Variants in PCDH11Y observed in about 807,000 individuals in gnomAD.
PCDH11Y encodes the protein protocadherin 11 Y-linked.
For missense variants in PCDH11Y, 12 were observed against 224.8 expected (o/e 0.05, Z 6.05); for synonymous variants, 9 against 83.6 (o/e 0.11, Z 4.87).
At chrY:5,198,856 T>G (rs1602885139) in intron 2 of PCDH11Y, among the ~76,000 whole-genome samples, 10 of 31,763 alleles carry the variant, frequency 3.1e-4, no homozygotes, top group African/African-American at 7.4e-4. Context: ...GTATAGAGAC[T>G]GTTAGAAATT....
chrY:5,355,027 A>G (rs2053164028), intron 2 of PCDH11Y, among the ~76,000 whole-genome samples: 21 of 32,566 alleles, frequency 6.4e-4, no homozygotes, highest in African/African-American at 2.5e-3. Flanking sequence ...TTGGGAGGCC[A>G]AGGTGGGCAG....
chrY:5,067,831 T>G (rs376025298), intron 1 of PCDH11Y, among the ~76,000 whole-genome samples: 1,156 of 30,021 alleles, frequency 0.039, no homozygotes, highest in Middle Eastern at 0.31. Flanking sequence ...GCTAACCTGG[T>G]GAAACCACGT....
intron 2 of PCDH11Y, among the ~76,000 whole-genome samples, chrY:5,219,476 C>T (rs2052950252): frequency 3.0e-5 from 1 of 33,820 alleles, no homozygotes; most frequent in Non-Finnish European, 7.4e-5. Context: ...AGTGATGTTG[C>T]ACACATTTTC....
intron 2 of PCDH11Y, among the ~76,000 whole-genome samples, chrY:5,442,915 A>C: frequency 3.1e-5 from 1 of 32,220 alleles, no homozygotes. Flanking sequence ...TGAATTTATT[A>C]CTAAAATAAA....
At chrY:5,214,762 TA>T (rs2052943688) in intron 2 of PCDH11Y, among the ~76,000 whole-genome samples, 1 of 32,802 alleles carries the variant, frequency 3.0e-5, no homozygotes, top group Non-Finnish European at 7.5e-5. Context: ...GGTACAATTT[TA>T]TGTTTTGATA....
chrY:5,032,678 A>G, exon 3 of PCDH11Y: 1 of 392,291 alleles, frequency 2.5e-6, no homozygotes, highest in Non-Finnish European at 3.6e-6. Context: ...AGCTGATTGC[A>G]GTGCACTATG....
intron 1 of PCDH11Y, among the ~76,000 whole-genome samples, chrY:5,078,872 A>G (rs2052714155): frequency 3.0e-5 from 1 of 33,042 alleles, no homozygotes; most frequent in Non-Finnish European, 7.4e-5. Flanking sequence ...CAAAGTCTTA[A>G]CTTATTTCAA....
chrY:5,400,490 C>T (rs1602919673), intron 2 of PCDH11Y, among the ~76,000 whole-genome samples: 1 of 33,570 alleles, frequency 3.0e-5, no homozygotes, highest in African/African-American at 1.2e-4. Context: ...ATCACGCCTA[C>T]GTAATTTTTG....
intron 4 of PCDH11Y, among the ~76,000 whole-genome samples, chrY:5,665,490 A>AATATCC (rs2053544078): frequency 3.0e-5 from 1 of 33,343 alleles, no homozygotes; most frequent in Non-Finnish European, 7.4e-5. Flanking sequence ...TTGGACAAAT[A>AATATCC]ATATCCATCT....
intron 2 of PCDH11Y, among the ~76,000 whole-genome samples, chrY:5,450,361 A>G: frequency 1.2e-4 from 4 of 33,177 alleles, no homozygotes; most frequent in Non-Finnish European, 3.0e-4. Flanking sequence ...CCTTTTTCAA[A>G]TTTAATCTGG....
At chrY:5,200,060 A>G in intron 2 of PCDH11Y, among the ~76,000 whole-genome samples, 1 of 32,925 alleles carries the variant, frequency 3.0e-5, no homozygotes, top group Non-Finnish European at 7.4e-5. Flanking sequence ...ATTTAAAGAC[A>G]TGAGACCGGT....
intron 2 of PCDH11Y, among the ~76,000 whole-genome samples, chrY:5,266,178 C>G: frequency 3.0e-5 from 1 of 33,574 alleles, no homozygotes; most frequent in East Asian, 7.8e-4. Flanking sequence ...GATTTTAATA[C>G]ACCATGTATA....
At chrY:5,122,528 A>G in intron 2 of PCDH11Y, among the ~76,000 whole-genome samples, 1 of 31,446 alleles carries the variant, frequency 3.2e-5, no homozygotes, top group African/African-American at 1.2e-4. Flanking sequence ...CACTTCCACC[A>G]CTTGATTCCT....
intron 4 of PCDH11Y, among the ~76,000 whole-genome samples, chrY:5,648,453 C>A (rs1602956068): frequency 3.0e-5 from 1 of 33,178 alleles, no homozygotes; most frequent in South Asian, 6.6e-4. Flanking sequence ...GTTATTAATG[C>A]TAGATGCATC....
At chrY:5,611,994 G>A in intron 4 of PCDH11Y, among the ~76,000 whole-genome samples, 1 of 18,116 alleles carries the variant, frequency 5.5e-5, no homozygotes, top group African/African-American at 2.2e-4. Flanking sequence ...GACCCCTTGC[G>A]CTTCCCAGGT....
At chrY:5,054,765 A>G, upstream of PCDH11Y, among the ~76,000 whole-genome samples, 3 of 32,049 alleles carry the variant, frequency 9.4e-5, no homozygotes, top group African/African-American at 3.7e-4. Flanking sequence ...GGTAGTATCA[A>G]TGGGGTATTT....
At chrY:5,700,266 T>C in intron 4 of PCDH11Y, among the ~76,000 whole-genome samples, 1 of 33,872 alleles carries the variant, frequency 3.0e-5, no homozygotes, top group Admixed American at 2.7e-4. Context: ...ACTTGGATAC[T>C]TATACATAGA....
At chrY:5,331,734 G>A (rs796924686) in intron 2 of PCDH11Y, among the ~76,000 whole-genome samples, 1 of 33,148 alleles carries the variant, frequency 3.0e-5, no homozygotes, top group Non-Finnish European at 7.4e-5. Flanking sequence ...GTTGATTGAC[G>A]TGTGATATCT....
intron 2 of PCDH11Y, among the ~76,000 whole-genome samples, chrY:5,385,309 C>A (rs2053212549): frequency 5.8e-4 from 17 of 29,460 alleles, no homozygotes; most frequent in African/African-American, 2.3e-3. Flanking sequence ...CCCACCCTTT[C>A]CCCCTGAGTC....
Sources: allele counts gnomAD v4.1 joint callset (sites outside exome capture counted in the v4.1 genomes callset), GRCh38; gene constraint gnomAD v4.1.1; transcripts MANE v1.5; gene names NCBI Gene and HGNC (gene_info 2026-07-23, HGNC 2026-07-21).